The following IFT52 variants were observed in gnomAD, a reference collection of about 807,000 sequenced individuals.
The protein encoded by IFT52 is intraflagellar transport protein 52 homolog.
Under a neutral mutation model 54.4 loss-of-function variants are expected in IFT52, and 44 were observed. The ratio of observed to expected loss-of-function variants is 0.81; its 90% CI spans 0.63 to 1.04. The LOEUF is 1.04. IFT52 is among the 50% of genes least tolerant of loss of function. The pLI is 0.00. For missense variants in IFT52, 452 were observed against 523.6 expected (o/e 0.86, Z 1.33); for synonymous variants, 181 against 185.3 (o/e 0.98, Z 0.19).
chr20:43,629,809 C>CAAAT (rs1985033520), intron 10 of IFT52, among the ~76,000 whole-genome samples: 1 of 152,198 alleles, frequency 6.6e-6, no homozygotes, highest in Admixed American at 6.5e-5. Context: ...TAACAACTAA[C>CAAAT]ATTTATGTAC....
At chr20:43,629,497 C>T (rs1985010543) in intron 10 of IFT52, among the ~76,000 whole-genome samples, 1 of 152,154 alleles carries the variant, frequency 6.6e-6, no homozygotes, top group Non-Finnish European at 1.5e-5. Flanking sequence ...TGGTCTCGAT[C>T]TCCTGACCTC....
chr20:43,630,009 G>C (rs941052953), intron 10 of IFT52, among the ~76,000 whole-genome samples: 22 of 152,158 alleles, frequency 1.4e-4, no homozygotes, highest in Non-Finnish European at 4.4e-5. Flanking sequence ...GTTACTGTAG[G>C]AGGTGAGGGT....
intron 1 of IFT52, among the ~76,000 whole-genome samples, chr20:43,591,831 A>C (rs1295968917): frequency 2.6e-5 from 4 of 152,176 alleles, no homozygotes; most frequent in Non-Finnish European, 4.4e-5. Context: ...TGAGCCCAGG[A>C]GTCAGAGACC....
chr20:43,595,249 A>G (rs1261844142), intron 2 of IFT52, among the ~76,000 whole-genome samples: 1 of 148,698 alleles, frequency 6.7e-6, no homozygotes, highest in African/African-American at 2.5e-5. Flanking sequence ...CCCGGGAGGC[A>G]GAGGTTGCAG....
chr20:43,596,008 G>C (rs1981927609), intron 2 of IFT52, among the ~76,000 whole-genome samples: 1 of 152,214 alleles, frequency 6.6e-6, no homozygotes, highest in African/African-American at 2.4e-5. Context: ...TACACATGTA[G>C]CTTTTTAAGA....
intron 10 of IFT52, among the ~76,000 whole-genome samples, chr20:43,624,708 G>C (rs888908565): frequency 3.9e-5 from 6 of 152,134 alleles, no homozygotes; most frequent in Non-Finnish European, 7.4e-5. Flanking sequence ...CAGGACAGCG[G>C]GCAGCATCCT....
intron 12 of IFT52, among the ~76,000 whole-genome samples, chr20:43,639,390 G>C (rs409587): frequency 0.72 from 110,120 of 152,068 alleles, 40,271 homozygotes; most frequent in East Asian, 0.8. Context: ...AAAAAAAAAG[G>C]CTGGGTGCAG....
At chr20:43,615,510 TA>T (rs1335155758) in intron 7 of IFT52, among the ~76,000 whole-genome samples, 1 of 152,106 alleles carries the variant, frequency 6.6e-6, no homozygotes, top group Non-Finnish European at 1.5e-5. Flanking sequence ...CCTTCTTATT[TA>T]AAAGCTCTCG....
At chr20:43,641,213 GGTTTT>G (rs1330968682) in intron 12 of IFT52, among the ~76,000 whole-genome samples, 12 of 148,062 alleles carry the variant, frequency 8.1e-5, no homozygotes, top group South Asian at 2.1e-4. Context: ...TGTTTTTTGG[GGTTTT>G]GTTTTGTTTT....
At position 43,642,477 on chromosome 20, in the gene IFT52, A is replaced by T; in HGVS notation, c.1121-2A>T. On this transcript the variant is annotated splice_acceptor_variant, in intron 12 of 13. Coordinates refer to ENST00000373030, the MANE Select transcript of IFT52 (RefSeq NM_016004.5). LOFTEE classifies it high-confidence loss of function. The stretch of plus-strand genomic sequence containing the variant: ...ATCTAACTACTACTCCAACTGTCTT[A>T]GGTACTGAAGAAGACCTGGAATTTT... 1 of 1,613,770 alleles carries T rather than the reference A, an allele frequency of 6.2e-7. No individual in the cohort carries two copies. The highest frequency in any genetic ancestry group is 8.5e-7 in the Non-Finnish European group (1 of 1,179,716).
intron 11 of IFT52, 61 bp downstream of exon 11, chr20:43,636,074 G>A: frequency 2.0e-6 from 3 of 1,504,118 alleles, no homozygotes; most frequent in South Asian, 1.1e-5. Flanking sequence ...TATCTTGTCA[G>A]CAGGCATTCG....
At chr20:43,616,923 G>C (rs985783662) in intron 7 of IFT52, among the ~76,000 whole-genome samples, 1 of 152,026 alleles carries the variant, frequency 6.6e-6, no homozygotes, top group Non-Finnish European at 1.5e-5. Flanking sequence ...TGAGGCAGGA[G>C]GATCACTTGA....
Position 43,594,824 on chromosome 20 carries a change from G to A in IFT52, c.119+7G>A, listed in dbSNP as rs1568701751. The A allele has an allele frequency of 2.9e-6, 4 of 1,356,454 alleles. No individual in the cohort carries two copies. The highest frequency in any genetic ancestry group is 1.8e-4 in the Middle Eastern group (1 of 5,562). The allele number at this position is 1,356,454 out of a possible 1,614,324, so 84.0% of individuals were successfully genotyped here. On this transcript the variant is annotated splice_region_variant and intron_variant, in intron 2 of 13. Coordinates refer to ENST00000373030, the MANE Select transcript of IFT52 (RefSeq NM_016004.5). ...GTAATTGGAAGATTCAGAGGTGACT[G>A]ACCATGTATATTGTTTTCCCTTCTA... is the stretch of plus-strand genomic sequence containing the variant.
chr20:43,595,581 A>C (rs947304937), intron 2 of IFT52, among the ~76,000 whole-genome samples: 3 of 151,918 alleles, frequency 2.0e-5, no homozygotes, highest in Admixed American at 1.3e-4. Context: ...GAATGAAATA[A>C]ATTCTTATTA....
intron 9 of IFT52, among the ~76,000 whole-genome samples, chr20:43,622,737 AT>A (rs1340943043): frequency 1.4e-3 from 192 of 140,338 alleles, no homozygotes; most frequent in African/African-American, 4.6e-3. Flanking sequence ...AAATATATAC[AT>A]ATTTTTATGT....
intron 13 of IFT52, 61 bp downstream of exon 13, chr20:43,642,685 A>C (rs1217889099): frequency 2.0e-6 from 3 of 1,514,354 alleles, no homozygotes; most frequent in South Asian, 1.2e-5. Flanking sequence ...TCTTCCATGG[A>C]CTGTGCTTGC....
chr20:43,600,430 G>A (rs1436213591), intron 3 of IFT52, among the ~76,000 whole-genome samples: 1 of 151,522 alleles, frequency 6.6e-6, no homozygotes, highest in Non-Finnish European at 1.5e-5. Context: ...TCAGCCTTCC[G>A]AGTAGGTGGT....
At chr20:43,601,960 A>G (rs2145594854) in intron 3 of IFT52, among the ~76,000 whole-genome samples, 1 of 152,270 alleles carries the variant, frequency 6.6e-6, no homozygotes, top group African/African-American at 2.4e-5. Context: ...GACTAACGCT[A>G]GGGATCAAAG....
At chr20:43,623,734 A>G (rs1221341413) in intron 9 of IFT52, among the ~76,000 whole-genome samples, 157 bp from the exon 10 acceptor site, 1 of 152,206 alleles carries the variant, frequency 6.6e-6, no homozygotes, top group African/African-American at 2.4e-5. Context: ...TTGCACATAA[A>G]TTGGCTTATT....
Sources: gnomAD v4.1 joint callset for allele counts (sites outside exome capture counted in the v4.1 genomes callset) on GRCh38, gnomAD v4.1.1 for gene constraint, MANE v1.5 for transcripts, NCBI Gene and HGNC (gene_info 2026-07-23, HGNC 2026-07-21) for gene names.